The following CPEB3 variants were observed in gnomAD, a reference collection of about 807,000 sequenced individuals.
CPEB3 encodes the protein cytoplasmic polyadenylation element-binding protein 3.
Under a neutral mutation model 67.2 loss-of-function variants are expected in CPEB3, and 20 were observed. That is an observed-to-expected ratio of 0.30 (90% CI 0.21 to 0.43). CPEB3 has a LOEUF of 0.43. CPEB3 is among the 20% of genes least tolerant of loss of function. The probability of loss-of-function intolerance (pLI) is 1.00; values close to 1 mark genes in which losing one functional copy is unlikely to be tolerated. For synonymous variants in CPEB3, 376 were observed against 393.1 expected (o/e 0.96, Z 0.51); for missense variants, 746 against 968.6 (o/e 0.77, Z 3.05).
intron 7 of CPEB3, among the ~76,000 whole-genome samples, chr10:92,101,572 A>C (rs1490508442): frequency 2.6e-5 from 4 of 152,078 alleles, no homozygotes; most frequent in Admixed American, 6.6e-5. Context: ...AGCATCACAG[A>C]CTTCACAAAA....
intron 2 of CPEB3, among the ~76,000 whole-genome samples, chr10:92,214,493 T>C (rs1850247504): frequency 6.6e-6 from 1 of 152,140 alleles, no homozygotes; most frequent in Admixed American, 6.6e-5. Context: ...ACTCAATTTT[T>C]TTTTTTTAAG....
At chr10:92,252,928 T>C (rs1852360095) in intron 1 of CPEB3, among the ~76,000 whole-genome samples, 1 of 144,648 alleles carries the variant, frequency 6.9e-6, no homozygotes, top group South Asian at 2.1e-4. Context: ...CCACTTAAAG[T>C]TCCTTTTTTT....
chr10:92,145,195 G>T, intron 4 of CPEB3, 110 bp from the exon 5 acceptor site: 1 of 1,222,254 alleles, frequency 8.2e-7, no homozygotes, highest in Non-Finnish European at 1.1e-6. Context: ...AGTGCAGAGA[G>T]AAGCATACAA....
intron 1 of CPEB3, among the ~76,000 whole-genome samples, chr10:92,241,784 C>A (rs1851862905): frequency 6.6e-6 from 1 of 152,160 alleles, no homozygotes; most frequent in Non-Finnish European, 1.5e-5. Context: ...ATAAATATTA[C>A]AGTGCTGAGA....
intron 5 of CPEB3, 57 bp downstream of exon 5, chr10:92,144,888 C>A: frequency 6.6e-7 from 1 of 1,521,898 alleles, no homozygotes; most frequent in South Asian, 1.1e-5. Flanking sequence ...GAGGCAGGGT[C>A]AGAACACACA....
chr10:92,052,800 G>A (rs183250037), intron 9 of CPEB3, among the ~76,000 whole-genome samples: 4 of 152,344 alleles, frequency 2.6e-5, no homozygotes, highest in Admixed American at 2.0e-4. Context: ...GAGGGGCTGT[G>A]CACGTCAAAG....
intron 1 of CPEB3, among the ~76,000 whole-genome samples, chr10:92,289,265 C>T (rs1340094119): frequency 1.3e-5 from 2 of 151,894 alleles, no homozygotes; most frequent in African/African-American, 4.8e-5. Flanking sequence ...AGACCAGGCG[C>T]GGTGGCTCGC....
intron 9 of CPEB3, among the ~76,000 whole-genome samples, chr10:92,056,585 G>A (rs560867063): frequency 2.0e-5 from 3 of 152,280 alleles, no homozygotes; most frequent in South Asian, 2.1e-4. Context: ...GGGAAATTGA[G>A]TTCCCCCAAA....
rs1410698526 is a variant in CPEB3 at position 92,049,007 on chromosome 10, AAT to A, written c.*3203_*3204del. The stretch of plus-strand genomic sequence containing the variant: ...TACGAAATAAAATGAAAAATATGTA[AAT>A]ATGTTTAATTTTTTTCTTAGCAAAA... On this transcript the variant is annotated 3_prime_UTR_variant, in exon 10 of 10. Coordinates refer to ENST00000265997, the MANE Select transcript of CPEB3 (RefSeq NM_014912.5). 6.6e-6 allele frequency: 1 copy of A among 152,586 alleles called. No homozygotes were observed. Among genetic ancestry groups the A allele is most frequent in the East Asian group, 1.9e-4 (1 of 5,200 alleles). The allele number at this position is 152,586 out of a possible 1,614,324, so 9.5% of individuals were successfully genotyped here.
At chr10:92,058,007 C>A (rs1037643001) in intron 9 of CPEB3, among the ~76,000 whole-genome samples, 2 of 152,152 alleles carry the variant, frequency 1.3e-5, no homozygotes, top group East Asian at 3.9e-4. Flanking sequence ...AAGACTACAA[C>A]GAATATCTAA....
intron 1 of CPEB3, among the ~76,000 whole-genome samples, chr10:92,271,177 T>C (rs962593954): frequency 1.3e-5 from 2 of 152,162 alleles, no homozygotes; most frequent in East Asian, 3.9e-4. Context: ...AGCGAGACTC[T>C]GTCTCAAAAA....
intron 2 of CPEB3, among the ~76,000 whole-genome samples, chr10:92,201,222 G>T (rs1849508078): frequency 6.6e-6 from 1 of 152,094 alleles, no homozygotes; most frequent in African/African-American, 2.4e-5. Flanking sequence ...CAGAAGAGAA[G>T]GCATCAAAAA....
chr10:92,223,121 C>CAA (rs1850781235), intron 2 of CPEB3, among the ~76,000 whole-genome samples: 1 of 152,148 alleles, frequency 6.6e-6, no homozygotes, highest in Non-Finnish European at 1.5e-5. Context: ...CATGACTAAT[C>CAA]AACTAATACA....
intron 3 of CPEB3, among the ~76,000 whole-genome samples, chr10:92,189,450 T>A (rs948015458): frequency 3.9e-5 from 6 of 152,216 alleles, no homozygotes; most frequent in Non-Finnish European, 8.8e-5. Flanking sequence ...TTATTTGATC[T>A]TCGCACTCAC....
At chr10:92,250,852 C>G (rs1475522467) in intron 1 of CPEB3, among the ~76,000 whole-genome samples, 2 of 143,222 alleles carry the variant, frequency 1.4e-5, no homozygotes, top group African/African-American at 2.6e-5. Context: ...ACCACACACA[C>G]AGTTAATTTT....
At chr10:92,125,624 G>C (rs1171323413) in intron 6 of CPEB3, among the ~76,000 whole-genome samples, 2 of 152,264 alleles carry the variant, frequency 1.3e-5, no homozygotes, top group Non-Finnish European at 2.9e-5. Context: ...TATTTTCCCA[G>C]TGGGCAATGA....
At chr10:92,235,999 C>A (rs747157831) in intron 2 of CPEB3, among the ~76,000 whole-genome samples, 2 of 152,022 alleles carry the variant, frequency 1.3e-5, no homozygotes, top group Non-Finnish European at 2.9e-5. Flanking sequence ...AATGGTAAAA[C>A]CCACAATTAC....
chr10:92,161,750 C>T (rs184205874), intron 4 of CPEB3, among the ~76,000 whole-genome samples: 380 of 152,304 alleles, frequency 2.5e-3, no homozygotes, highest in Non-Finnish European at 4.0e-3. Flanking sequence ...CTACAACCTC[C>T]ACCTCCCGGT....
intron 9 of CPEB3, among the ~76,000 whole-genome samples, chr10:92,070,777 A>T (rs976533440): frequency 6.6e-6 from 1 of 152,006 alleles, no homozygotes; most frequent in African/African-American, 2.4e-5. Context: ...ATTCCATCTC[A>T]AAACAACAAG....
Sources: gnomAD v4.1 joint callset for allele counts (sites outside exome capture counted in the v4.1 genomes callset) on GRCh38, gnomAD v4.1.1 for gene constraint, MANE v1.5 for transcripts, NCBI Gene and HGNC (gene_info 2026-07-23, HGNC 2026-07-21) for gene names.